Variants in ARL15 observed in about 807,000 individuals in gnomAD.
ARL15 encodes ARF like GTPase 15, also known as ADP-ribosylation factor-like protein 15.
A neutral mutation model predicts 25.2 loss-of-function variants in ARL15; 19 were observed. The observed-to-expected ratio is 0.75, with a 90% CI of 0.53 to 1.10. The LOEUF is 1.10. Ranked by LOEUF, ARL15 falls within the 50% of genes least tolerant of loss-of-function variation. ARL15 has a pLI of 0.00. For missense variants in ARL15, 220 were observed against 246.0 expected (o/e 0.89, Z 0.71); for synonymous variants, 94 against 86.8 (o/e 1.08, Z -0.46).
intron 3 of ARL15, among the ~76,000 whole-genome samples, chr5:54,135,803 T>C (rs1260625565): frequency 6.6e-6 from 1 of 152,184 alleles, no homozygotes; most frequent in African/African-American, 2.4e-5. Context: ...ACAAATATGG[T>C]TTCATATTCT....
intron 4 of ARL15, among the ~76,000 whole-genome samples, chr5:53,904,498 A>G (rs1745175537): frequency 6.6e-6 from 1 of 152,222 alleles, no homozygotes; most frequent in Non-Finnish European, 1.5e-5. Context: ...GATTTAGATA[A>G]GATAACTACA....
At chr5:54,292,626 C>T (rs1199564480) in intron 1 of ARL15, among the ~76,000 whole-genome samples, 1 of 152,008 alleles carries the variant, frequency 6.6e-6, no homozygotes, top group Non-Finnish European at 1.5e-5. Context: ...AGTAACTATA[C>T]CTATAGAAAT....
chr5:54,228,466 C>T (rs1175824047), intron 1 of ARL15, among the ~76,000 whole-genome samples: 2 of 152,170 alleles, frequency 1.3e-5, no homozygotes, highest in East Asian at 3.9e-4. Context: ...CTTCTAAAGT[C>T]CTTATTACCA....
At chr5:54,060,162 C>T (rs1020679734) in intron 4 of ARL15, among the ~76,000 whole-genome samples, 1 of 139,860 alleles carries the variant, frequency 7.2e-6, no homozygotes, top group Non-Finnish European at 1.5e-5. Flanking sequence ...ACCCCGGGTG[C>T]GGTGTCTCAC....
At chr5:54,297,799 T>C (rs1758504522) in intron 1 of ARL15, among the ~76,000 whole-genome samples, 1 of 152,192 alleles carries the variant, frequency 6.6e-6, no homozygotes, top group Non-Finnish European at 1.5e-5. Context: ...TTCTTTTTTT[T>C]TGAGACGGAG....
chr5:54,298,267 T>C (rs528039776), intron 1 of ARL15, among the ~76,000 whole-genome samples: 9 of 152,090 alleles, frequency 5.9e-5, no homozygotes, highest in Admixed American at 5.2e-4. Flanking sequence ...TAAAACTACA[T>C]CTAGATGGCT....
At chr5:53,906,683 C>G (rs1745258502) in intron 4 of ARL15, among the ~76,000 whole-genome samples, 3 of 152,154 alleles carry the variant, frequency 2.0e-5, no homozygotes, top group Admixed American at 2.0e-4. Context: ...TCCTTATAGG[C>G]AAGGCTGAAT....
intron 4 of ARL15, among the ~76,000 whole-genome samples, chr5:53,981,900 C>CA (rs553509243): frequency 1.9e-4 from 27 of 144,620 alleles, no homozygotes; most frequent in African/African-American, 5.8e-4. Flanking sequence ...AACTCTGTCT[C>CA]AAAAAAAAAG....
chr5:54,072,514 A>G lies in ARL15; in HGVS notation c.462+40688T>C, dbSNP rs1005046642. 5.9e-5 allele frequency among the ~76,000 whole-genome samples: 9 copies of G among 152,244 alleles called. No individual in the cohort carries two copies. The East Asian group carries it at 1.5e-3, about 26-fold the overall frequency. On this transcript the variant is annotated intron_variant, in intron 4 of 4. Transcript: ENST00000504924. ...ACAAATGCTATCATCATGTGGTCTA[A>G]ATGTCTCCGAGATATTTAAGTATCA...
At chr5:54,083,067 A>T (rs887321046) in intron 4 of ARL15, among the ~76,000 whole-genome samples, 1 of 152,210 alleles carries the variant, frequency 6.6e-6, no homozygotes, top group Non-Finnish European at 1.5e-5. Flanking sequence ...GGTATGTTTA[A>T]AGGTTAGGAT....
intron 1 of ARL15, among the ~76,000 whole-genome samples, chr5:54,227,658 G>A (rs1289335516): frequency 2.0e-5 from 3 of 152,188 alleles, no homozygotes; most frequent in African/African-American, 7.2e-5. Flanking sequence ...GTCACACAGG[G>A]CAGCTAAAAC....
chr5:53,969,664 T>A lies in ARL15; in HGVS notation c.463-82951A>T, dbSNP rs537148071. Among the ~76,000 whole-genome samples the A allele has an allele frequency of 7.8e-4, 119 of 152,314 alleles. 1 individual carries two copies. The South Asian group carries it at 0.024, about 30-fold the overall frequency. ...TATTTTTAAAAAATCTATTTCTGCTTTATGATCTCAACAAAACCCACTACA... is the reference window on the plus strand; with the variant it reads ...TATTTTTAAAAAATCTATTTCTGCTATATGATCTCAACAAAACCCACTACA... On this transcript the variant is annotated intron_variant, in intron 4 of 4. Transcript: ENST00000504924.
intron 4 of ARL15, among the ~76,000 whole-genome samples, chr5:53,935,523 C>A (rs1167976719): frequency 1.3e-5 from 2 of 152,172 alleles, no homozygotes; most frequent in African/African-American, 2.4e-5. Context: ...CTGGAAATAT[C>A]CAAAACTTCA....
intron 4 of ARL15, among the ~76,000 whole-genome samples, chr5:53,983,644 A>C (rs1479965170): frequency 6.6e-6 from 1 of 152,204 alleles, no homozygotes; most frequent in Non-Finnish European, 1.5e-5. Context: ...TTAATCTGGG[A>C]GTAGCAGCAA....
At chr5:54,301,010 C>T (rs147052199) in intron 1 of ARL15, among the ~76,000 whole-genome samples, 6 of 152,338 alleles carry the variant, frequency 3.9e-5, no homozygotes, top group Non-Finnish European at 5.9e-5. Context: ...TTCCTTTTGC[C>T]TGGCCCTGGC....
At chr5:53,953,009 TGCAAATGTTCACTTTACTAC>T (rs1321466599) in intron 4 of ARL15, among the ~76,000 whole-genome samples, 1 of 152,220 alleles carries the variant, frequency 6.6e-6, no homozygotes, top group African/African-American at 2.4e-5. Flanking sequence ...ATTAAACTTC[TGCAAATGTTCACTTTACTAC>T]GCAGCTCCAC....
intron 4 of ARL15, among the ~76,000 whole-genome samples, chr5:54,006,738 T>G (rs1024348775): frequency 1.3e-5 from 2 of 152,206 alleles, no homozygotes; most frequent in Non-Finnish European, 1.5e-5. Context: ...TTTCACTACA[T>G]GCACCCTTCT....
intron 4 of ARL15, among the ~76,000 whole-genome samples, chr5:53,917,272 T>C (rs946928029): frequency 1.3e-5 from 2 of 152,190 alleles, no homozygotes; most frequent in Admixed American, 6.5e-5. Context: ...AACATACCAA[T>C]AGATTGAATC....
chr5:53,977,512 G>C (rs787544), intron 4 of ARL15, among the ~76,000 whole-genome samples: 4 of 151,894 alleles, frequency 2.6e-5, no homozygotes, highest in Admixed American at 6.6e-5. Flanking sequence ...ATCTGTAAGT[G>C]TTCCCATCAA....
Sources: gnomAD v4.1 joint callset for allele counts (sites outside exome capture counted in the v4.1 genomes callset) on GRCh38, gnomAD v4.1.1 for gene constraint, MANE v1.5 for transcripts, NCBI Gene and HGNC (gene_info 2026-07-23, HGNC 2026-07-21) for gene names.